NKAIN2: variants seen among roughly 807,000 people sequenced by gnomAD.
The protein encoded by NKAIN2 is sodium/potassium transporting ATPase interacting 2, also known as sodium/potassium-transporting ATPase subunit beta-1-interacting protein 2.
In NKAIN2, 14 loss-of-function variants were observed where a neutral mutation model predicts 32.6. The ratio of observed to expected loss-of-function variants is 0.43; its 90% CI spans 0.28 to 0.67. NKAIN2 has a LOEUF of 0.67. Among genes scored for constraint, NKAIN2 ranks in the 30% least tolerant of loss-of-function variants. The probability of loss-of-function intolerance (pLI) is 0.17; values close to 1 mark genes in which losing one functional copy is unlikely to be tolerated. For missense variants in NKAIN2, 198 were observed against 258.3 expected, an observed-to-expected ratio of 0.77 and a Z score of 1.60; for synonymous variants, 80 against 87.2, an observed-to-expected ratio of 0.92 and a Z score of 0.46.
chr6:124,377,918 G>A (rs1041501254), intron 3 of NKAIN2, among the ~76,000 whole-genome samples: 1 of 152,062 alleles, frequency 6.6e-6, no homozygotes. Flanking sequence ...TTTCTCTTAT[G>A]TATCTTGGTC....
intron 1 of NKAIN2, among the ~76,000 whole-genome samples, chr6:123,929,219 T>C (rs1008239353): frequency 2.0e-5 from 3 of 152,170 alleles, no homozygotes; most frequent in Non-Finnish European, 2.9e-5. Flanking sequence ...CAGCAAATAA[T>C]GTTAATAAAT....
intron 2 of NKAIN2, among the ~76,000 whole-genome samples, chr6:124,329,736 C>G (rs1797576558): frequency 6.6e-6 from 1 of 152,176 alleles, no homozygotes; most frequent in Non-Finnish European, 1.5e-5. Context: ...TCTTCAAAAG[C>G]CAGATTGGTC....
chr6:124,478,054 T>C (rs754173216), intron 3 of NKAIN2, among the ~76,000 whole-genome samples: 1 of 151,902 alleles, frequency 6.6e-6, no homozygotes, highest in African/African-American at 2.4e-5. Flanking sequence ...GCCAAATATC[T>C]GCTAATATTG....
chr6:124,248,797 C>T (rs566613135), intron 1 of NKAIN2, among the ~76,000 whole-genome samples: 1 of 152,214 alleles, frequency 6.6e-6, no homozygotes, highest in South Asian at 2.1e-4. Flanking sequence ...GGCTTATGAT[C>T]TAAATCTGGT....
At chr6:124,292,033 G>T (rs1365886899) in intron 2 of NKAIN2, among the ~76,000 whole-genome samples, 1 of 152,018 alleles carries the variant, frequency 6.6e-6, no homozygotes, top group East Asian at 1.9e-4. Flanking sequence ...TTCAACATTT[G>T]CCTTTGCTAT....
intron 1 of NKAIN2, among the ~76,000 whole-genome samples, chr6:124,095,477 A>G (rs1784612092): frequency 6.6e-6 from 1 of 152,162 alleles, no homozygotes; most frequent in African/African-American, 2.4e-5. Flanking sequence ...ATAAAAACCT[A>G]TATATACAAC....
At chr6:123,891,923 C>T (rs1774037719) in intron 1 of NKAIN2, among the ~76,000 whole-genome samples, 1 of 152,254 alleles carries the variant, frequency 6.6e-6, no homozygotes, top group East Asian at 1.9e-4. Flanking sequence ...TGATAAACTA[C>T]ATAAAAGAGT....
At chr6:124,633,438 A>G (rs751661088) in intron 3 of NKAIN2, among the ~76,000 whole-genome samples, 53 of 152,204 alleles carry the variant, frequency 3.5e-4, no homozygotes, top group Admixed American at 4.6e-4. Context: ...GAGATTTTAC[A>G]AATTTATTGC....
intron 1 of NKAIN2, among the ~76,000 whole-genome samples, chr6:124,046,175 T>C (rs1162380905): frequency 6.6e-6 from 1 of 152,024 alleles, no homozygotes; most frequent in Non-Finnish European, 1.5e-5. Flanking sequence ...GTTATTATCT[T>C]AAAAACTACT....
chr6:123,862,706 G>A (rs1000238760), intron 1 of NKAIN2, among the ~76,000 whole-genome samples: 3 of 152,004 alleles, frequency 2.0e-5, no homozygotes. Context: ...AATATCCATT[G>A]TTACTATCCA....
intron 1 of NKAIN2, among the ~76,000 whole-genome samples, chr6:123,932,239 A>G (rs2114523705): frequency 6.6e-6 from 1 of 151,884 alleles, no homozygotes; most frequent in East Asian, 1.9e-4. Context: ...TCCTTCAGAG[A>G]TTTTATTTAA....
intron 3 of NKAIN2, among the ~76,000 whole-genome samples, chr6:124,630,588 G>T (rs1011284780): frequency 2.6e-5 from 4 of 152,048 alleles, no homozygotes; most frequent in Non-Finnish European, 5.9e-5. Flanking sequence ...ATAGAGCAGA[G>T]AAATTACATA....
intron 1 of NKAIN2, among the ~76,000 whole-genome samples, chr6:124,221,413 A>G (rs9482517): frequency 0.8 from 90,100 of 113,218 alleles, 35,630 homozygotes; most frequent in South Asian, 0.84. Context: ...TTGTGGGGTG[A>G]GGGGAGGGGG....
At chr6:124,624,746 C>CT (rs1783239613) in intron 3 of NKAIN2, among the ~76,000 whole-genome samples, 1 of 152,144 alleles carries the variant, frequency 6.6e-6, no homozygotes, top group Admixed American at 6.5e-5. Flanking sequence ...ATTAAATACT[C>CT]TAACACAAGT....
chr6:124,007,566 G>T lies in NKAIN2; in HGVS notation c.54+203312G>T, dbSNP rs529233387. On this transcript the variant is annotated intron_variant, in intron 1 of 6. Coordinates refer to ENST00000368417, the MANE Select transcript of NKAIN2 (RefSeq NM_001040214.3). The stretch of plus-strand genomic sequence containing the variant: ...ATTGAAAATTTGCTCTGAACCAAAT[G>T]CAGCAACATTCTTAAGGCAGGATTA... Among the ~76,000 whole-genome samples the T allele has an allele frequency of 8.5e-5, 13 of 152,278 alleles. No individual in the cohort carries two copies. In the South Asian group the frequency reaches 2.7e-3, roughly 32 times the overall value.
intron 1 of NKAIN2, among the ~76,000 whole-genome samples, chr6:124,241,804 A>G (rs1793112352): frequency 6.6e-6 from 1 of 151,754 alleles, no homozygotes; most frequent in Non-Finnish European, 1.5e-5. Flanking sequence ...TCTATTTAAT[A>G]TATTTTTTTT....
intron 1 of NKAIN2, among the ~76,000 whole-genome samples, chr6:123,813,495 C>A (rs893728411): frequency 3.9e-5 from 6 of 152,236 alleles, no homozygotes; most frequent in Middle Eastern, 3.4e-3. Context: ...TATAGAATTA[C>A]ATATTTGAAG....
chr6:124,406,338 ATATG>A (rs1217822771), intron 3 of NKAIN2, among the ~76,000 whole-genome samples: 1 of 152,098 alleles, frequency 6.6e-6, no homozygotes, highest in African/African-American at 2.4e-5. Flanking sequence ...TGATCATACA[ATATG>A]TATGTACTCT....
intron 3 of NKAIN2, among the ~76,000 whole-genome samples, chr6:124,435,085 C>T (rs1775381865): frequency 6.6e-6 from 1 of 152,016 alleles, no homozygotes; most frequent in Admixed American, 6.6e-5. Context: ...TCAGAGTGAG[C>T]TAAAAGAGAG....
Sources: allele counts gnomAD v4.1 joint callset (sites outside exome capture counted in the v4.1 genomes callset), GRCh38; gene constraint gnomAD v4.1.1; transcripts MANE v1.5; gene names NCBI Gene and HGNC (gene_info 2026-07-23, HGNC 2026-07-21).